PARD3B: variants seen among roughly 807,000 people sequenced by gnomAD.
PARD3B encodes par-3 family cell polarity regulator beta.
In PARD3B, 103 loss-of-function variants were observed where a neutral mutation model predicts 130.2. The observed-to-expected ratio is 0.79, with a 90% confidence interval of 0.67 to 0.93. The LOEUF is 0.93. PARD3B is among the 40% of genes least tolerant of loss of function. The pLI is 0.00. For missense variants in PARD3B, 1,609 were observed against 1,499.2 expected (o/e 1.07, Z -1.21); for synonymous variants, 583 against 553.2 (o/e 1.05, Z -0.76).
At chr2:204,864,219 A>AT (rs1212942522) in intron 2 of PARD3B, among the ~76,000 whole-genome samples, 1 of 152,120 alleles carries the variant, frequency 6.6e-6, no homozygotes, top group Non-Finnish European at 1.5e-5. Flanking sequence ...CCCGTGCCAG[A>AT]TTTGCATATG....
intron 19 of PARD3B, among the ~76,000 whole-genome samples, chr2:205,406,242 CATTT>C (rs2046413093): frequency 6.6e-6 from 1 of 152,090 alleles, no homozygotes; most frequent in South Asian, 2.1e-4. Context: ...TTCATCCATT[CATTT>C]ATTTACTTTT....
intron 18 of PARD3B, among the ~76,000 whole-genome samples, chr2:205,310,455 T>C (rs1368452609): frequency 6.6e-6 from 1 of 152,112 alleles, no homozygotes; most frequent in Non-Finnish European, 1.5e-5. Flanking sequence ...TCCTCCTGTC[T>C]AGCTGAAAGT....
chr2:205,586,332 T>C (rs1250018818), intron 22 of PARD3B, among the ~76,000 whole-genome samples: 2 of 152,230 alleles, frequency 1.3e-5, no homozygotes, highest in Non-Finnish European at 2.9e-5. Context: ...CAGAACTTCT[T>C]TCATTTTGAC....
intron 10 of PARD3B, among the ~76,000 whole-genome samples, chr2:205,149,269 C>G (rs1465084013): frequency 6.6e-6 from 1 of 152,110 alleles, no homozygotes; most frequent in African/African-American, 2.4e-5. Context: ...CTTTCCGATT[C>G]TTAAACCCAT....
At chr2:205,195,319 C>G (rs1050307917) in intron 15 of PARD3B, among the ~76,000 whole-genome samples, 8 of 152,094 alleles carry the variant, frequency 5.3e-5, no homozygotes, top group African/African-American at 1.7e-4. Context: ...AAAGCATTGG[C>G]TAAAATGCAC....
At chr2:204,998,919 G>A (rs1372106593) in intron 3 of PARD3B, among the ~76,000 whole-genome samples, 1 of 152,034 alleles carries the variant, frequency 6.6e-6, no homozygotes, top group African/African-American at 2.4e-5. Flanking sequence ...TCAGTGTGCT[G>A]GACAGGATGG....
chr2:205,055,934 A>G (rs368056891), intron 4 of PARD3B, among the ~76,000 whole-genome samples: 12 of 152,230 alleles, frequency 7.9e-5, no homozygotes, highest in African/African-American at 2.9e-4. Flanking sequence ...CCCTCTTTGG[A>G]GGGAAAGCTA....
At chr2:205,583,401 GCGCGCGCA>G (rs1351032341) in intron 22 of PARD3B, among the ~76,000 whole-genome samples, 1 of 64,978 alleles carries the variant, frequency 1.5e-5, no homozygotes, top group Non-Finnish European at 4.6e-5. Context: ...GTGTGTGTGT[GCGCGCGCA>G]CGCGCGTGTG....
intron 6 of PARD3B, among the ~76,000 whole-genome samples, chr2:205,115,032 C>T (rs750027290): frequency 1.3e-5 from 2 of 151,994 alleles, no homozygotes; most frequent in Admixed American, 6.6e-5. Flanking sequence ...ATTAAATGAC[C>T]AGGCTCTTTA....
In PARD3B at chr2:205,060,185, C is replaced by G. The variant is rs184422097; in HGVS notation, c.504+12495C>G. On this transcript the variant is annotated intron_variant, in intron 4 of 22. Coordinates refer to ENST00000406610, the MANE Select transcript of PARD3B (RefSeq NM_001302769.2). ...TGCTTTGGGCAATCTTCCTTTGAAA[C>G]TGCCTCAAAGCCAGTTTATCAGCCC... 1.6e-3 allele frequency among the ~76,000 whole-genome samples: 238 copies of G among 152,226 alleles called. 2 individuals are homozygous for G. Among genetic ancestry groups the G allele is most frequent in the Middle Eastern group, 3.4e-3 (1 of 294 alleles).
At chr2:204,597,290 C>T (rs2033339003) in intron 1 of PARD3B, among the ~76,000 whole-genome samples, 1 of 151,940 alleles carries the variant, frequency 6.6e-6, no homozygotes, top group African/African-American at 2.4e-5. Context: ...TAATGATGCC[C>T]ATAGGATAAA....
At chr2:204,631,295 G>C (rs2125139711) in intron 1 of PARD3B, among the ~76,000 whole-genome samples, 1 of 150,824 alleles carries the variant, frequency 6.6e-6, no homozygotes, top group East Asian at 1.9e-4. Flanking sequence ...CTGTCACCAG[G>C]CTGCAGTGCA....
intron 2 of PARD3B, among the ~76,000 whole-genome samples, chr2:204,789,718 T>C (rs982579748): frequency 1.3e-5 from 2 of 152,184 alleles, no homozygotes; most frequent in African/African-American, 2.4e-5. Context: ...AAATTTTTAG[T>C]CTGTTACATT....
intron 1 of PARD3B, among the ~76,000 whole-genome samples, chr2:204,613,582 C>CT (rs1356977479): frequency 3.3e-5 from 5 of 151,624 alleles, no homozygotes; most frequent in Admixed American, 6.6e-5. Context: ...TTCTAATTTT[C>CT]TTTTTTTTGG....
chr2:204,616,191 A>C (rs1010116084), intron 1 of PARD3B, among the ~76,000 whole-genome samples: 1 of 152,208 alleles, frequency 6.6e-6, no homozygotes, highest in Non-Finnish European at 1.5e-5. Flanking sequence ...TGATAAGCCA[A>C]AGACTGGAAG....
intron 4 of PARD3B, among the ~76,000 whole-genome samples, chr2:205,061,997 A>G (rs949006137): frequency 6.6e-6 from 1 of 151,972 alleles, no homozygotes; most frequent in Non-Finnish European, 1.5e-5. Flanking sequence ...CAAACCTGTC[A>G]TCCATCTCCT....
chr2:204,752,735 G>T (rs2040513292), intron 2 of PARD3B, among the ~76,000 whole-genome samples: 1 of 152,146 alleles, frequency 6.6e-6, no homozygotes, highest in South Asian at 2.1e-4. Flanking sequence ...TTTGAAAGGG[G>T]TATAATTTAT....
intron 2 of PARD3B, among the ~76,000 whole-genome samples, chr2:204,740,364 G>T (rs757045456): frequency 9.3e-4 from 141 of 152,186 alleles, no homozygotes; most frequent in Non-Finnish European, 1.3e-3. Context: ...TTTTCTGATT[G>T]CTCTGTATGA....
intron 19 of PARD3B, among the ~76,000 whole-genome samples, chr2:205,402,307 C>T (rs1002282859): frequency 6.6e-6 from 1 of 152,172 alleles, no homozygotes; most frequent in African/African-American, 2.4e-5. Flanking sequence ...TCCGTCATAA[C>T]CTAAGATTCA....
Sources: gnomAD v4.1 joint callset for allele counts (sites outside exome capture counted in the v4.1 genomes callset) on GRCh38, gnomAD v4.1.1 for gene constraint, MANE v1.5 for transcripts, NCBI Gene and HGNC (gene_info 2026-07-23, HGNC 2026-07-21) for gene names.